IQGAP3: variants seen among roughly 807,000 people sequenced by gnomAD.
The protein encoded by IQGAP3 is IQ motif containing GTPase activating protein 3.
In IQGAP3, 165 loss-of-function variants were observed where a neutral mutation model predicts 208.2. That is an observed-to-expected ratio of 0.79 (90% CI 0.70 to 0.90). The LOEUF (loss-of-function observed/expected upper bound fraction) is 0.90. Among genes scored for constraint, IQGAP3 ranks in the 40% least tolerant of loss-of-function variants. IQGAP3 has a pLI of 0.00. For synonymous variants in IQGAP3, 703 were observed against 803.6 expected (o/e 0.87, Z 2.12); for missense variants, 1,811 against 2,043.1 (o/e 0.89, Z 2.19).
chr1:156,540,813 C>G lies in IQGAP3; in HGVS notation c.2634G>C (p.Gln878His). Residue 878 changes from glutamine to histidine, a missense_variant, in exon 23 of 38, where the codon CAG becomes CAC. Coordinates refer to ENST00000361170, the MANE Select transcript of IQGAP3 (RefSeq NM_178229.5). ...FLAEAELLKL[Q>H]EEVVRKIRSN... ...ATCGGATCTTCCTAACTACCTCTTC[C>G]TGGAGCTTCAGCAGCTCTGCCTCAG... The G allele has an allele frequency of 6.2e-7, 1 of 1,614,150 alleles. No homozygotes were observed. Among genetic ancestry groups the G allele is most frequent in the Non-Finnish European group, 8.5e-7 (1 of 1,180,036 alleles).
rs1483593121 is a variant in IQGAP3, at chr1:156,567,311, G to A, written c.126-765C>T. On this transcript the variant is annotated intron_variant, in intron 2 of 37. Coordinates refer to ENST00000361170, the MANE Select transcript of IQGAP3 (RefSeq NM_178229.5). ...TAACCCAGCTTTGATGATGATGAGAGTAGTGGGGCTGGTGGAAGGGGAGCA... is the reference window on the plus strand; with the variant it reads ...TAACCCAGCTTTGATGATGATGAGAATAGTGGGGCTGGTGGAAGGGGAGCA... Among the ~76,000 whole-genome samples the A allele has an allele frequency of 2.6e-5, 4 of 152,304 alleles. No individual in the cohort carries two copies. The South Asian group carries it at 8.3e-4, about 32-fold the overall frequency.
rs1195528410 is a variant in IQGAP3 at position 156,562,733 on chromosome 1, C to T, written c.799-68G>A. On this transcript the variant is annotated intron_variant, in intron 8 of 37. Transcript: ENST00000361170. ...AATCTCCTTGTCCTGCTCTTCCCTGCCTGGCTACACTTATTTCTTCTTCTG... is the reference window on the plus strand; with the variant it reads ...AATCTCCTTGTCCTGCTCTTCCCTGTCTGGCTACACTTATTTCTTCTTCTG... The T allele has an allele frequency of 1.4e-5, 18 of 1,306,584 alleles. No individual in the cohort carries two copies. In the South Asian group the frequency reaches 2.1e-4, roughly 15 times the overall value. The allele number at this position is 1,306,584 out of a possible 1,614,324, so 80.9% of individuals were successfully genotyped here.
At chr1:156,539,748 C>A in intron 24 of IQGAP3, 90 bp downstream of exon 24, 1 of 1,445,762 alleles carries the variant, frequency 6.9e-7, no homozygotes, top group Non-Finnish European at 9.7e-7. Flanking sequence ...GGACACCTTG[C>A]ATGGTGCCAA....
intron 13 of IQGAP3, among the ~76,000 whole-genome samples, chr1:156,552,813 C>T (rs1675618175): frequency 1.3e-5 from 2 of 152,234 alleles, no homozygotes; most frequent in Non-Finnish European, 2.9e-5. Flanking sequence ...GTGGCTCATG[C>T]CTGTAATTCC....
At chr1:156,539,228 C>T (rs147895296) in intron 25 of IQGAP3, 146 bp downstream of exon 25, 59 of 866,502 alleles carry the variant, frequency 6.8e-5, no homozygotes, top group African/African-American at 4.6e-4. Flanking sequence ...AGATGTTTTA[C>T]GGTTTCTCCA....
Position 156,569,363 on chromosome 1 carries a change from G to A in IQGAP3, c.125+13C>T, listed in dbSNP as rs370649413. 271 of 1,593,786 alleles carry A rather than the reference G, an allele frequency of 1.7e-4. No homozygotes were observed. The highest frequency in any genetic ancestry group is 1.5e-3 in the East Asian group (68 of 44,700). On this transcript the variant is annotated intron_variant, in intron 2 of 37. Coordinates refer to ENST00000361170, the MANE Select transcript of IQGAP3 (RefSeq NM_178229.5). Reference sequence around the variant, plus strand: ...GAGAGCAGAAAGAGTCCATCTTCCTGGACTCCGCTCACCGCTTGGCCTCCT... The same window carrying A: ...GAGAGCAGAAAGAGTCCATCTTCCTAGACTCCGCTCACCGCTTGGCCTCCT...
chr1:156,571,060 T>G (rs1291573714), intron 1 of IQGAP3, among the ~76,000 whole-genome samples: 2 of 152,222 alleles, frequency 1.3e-5, no homozygotes, highest in African/African-American at 2.4e-5. Context: ...CACTATCCTT[T>G]TTGGTATAGG....
intron 13 of IQGAP3, among the ~76,000 whole-genome samples, chr1:156,553,411 C>A (rs1336890288): frequency 2.0e-5 from 3 of 152,152 alleles, no homozygotes; most frequent in African/African-American, 7.2e-5. Flanking sequence ...CCCAGATAGC[C>A]TCATGGCAAT....
rs556985064 is a variant in IQGAP3 at position 156,551,913 on chromosome 1, T to G, written c.1571-45A>C. The G allele has an allele frequency of 1.2e-5, 19 of 1,597,448 alleles. No homozygotes were observed. In the East Asian group the frequency reaches 2.9e-4, roughly 25 times the overall value. On this transcript the variant is annotated intron_variant, in intron 14 of 37. Transcript: ENST00000361170. ...GTGGGCAGGGGGCCCCTAGACTTAA[T>G]GGCTAAGGGACAGGACTGCCTAAGT...
rs1557925268 is a variant in IQGAP3 at position 156,539,367 on chromosome 1, A to T, written c.3056+7T>A. On this transcript the variant is annotated splice_region_variant and intron_variant, in intron 25 of 37. Coordinates refer to ENST00000361170, the MANE Select transcript of IQGAP3 (RefSeq NM_178229.5). ...TCTCCCCATTCCTTTGTGTCTGGAG[A>T]GCCTACTTGATTTCCTCCTGGAGTG... is the stretch of plus-strand genomic sequence containing the variant. 1 of 1,612,872 alleles carries T rather than the reference A, an allele frequency of 6.2e-7. No homozygotes were observed. Among genetic ancestry groups the T allele is most frequent in the Non-Finnish European group, 8.5e-7 (1 of 1,179,556 alleles).
chr1:156,539,636 G>GA (rs1381742636), intron 24 of IQGAP3, 99 bp from the exon 25 acceptor site: 4 of 1,348,164 alleles, frequency 3.0e-6, no homozygotes, highest in Non-Finnish European at 4.2e-6. Flanking sequence ...CTGGAATGGA[G>GA]AAAGCACTAC....
chr1:156,539,222 GT>G, intron 25 of IQGAP3, 151 bp downstream of exon 25: 1 of 845,342 alleles, frequency 1.2e-6, no homozygotes, highest in Non-Finnish European at 1.9e-6. Context: ...TGTCCCAGAT[GT>G]TTTACGGTTT....
intron 11 of IQGAP3, among the ~76,000 whole-genome samples, chr1:156,557,641 G>C (rs1675905462): frequency 6.8e-5 from 1 of 14,814 alleles, no homozygotes. Flanking sequence ...CCGGCCAGCC[G>C]CCCCGTCCGG....
At chr1:156,528,484 C>T in intron 36 of IQGAP3, 25 bp downstream of exon 36, 1 of 1,567,246 alleles carries the variant, frequency 6.4e-7, no homozygotes, top group South Asian at 1.1e-5. Context: ...AAGGGGCTGA[C>T]ATCCTGCCCT....
intron 1 of IQGAP3, among the ~76,000 whole-genome samples, chr1:156,569,924 G>C (rs1022483545): frequency 6.6e-6 from 1 of 152,126 alleles, no homozygotes; most frequent in Non-Finnish European, 1.5e-5. Flanking sequence ...TTAATAGGCA[G>C]CCTCCTCCTG....
chr1:156,546,386 T>C (rs958556881), intron 19 of IQGAP3, among the ~76,000 whole-genome samples: 5 of 152,190 alleles, frequency 3.3e-5, no homozygotes, highest in African/African-American at 1.2e-4. Flanking sequence ...ACAGCTTTGG[T>C]ACTAGTGACA....
rs374813479 is a variant in IQGAP3, at chr1:156,551,964, C to T, written c.1570+10G>A. 1.9e-5 allele frequency: 30 copies of T among 1,612,802 alleles called. No individual in the cohort carries two copies. Among genetic ancestry groups the T allele is most frequent in the Admixed American group, 1.2e-4 (7 of 59,928 alleles). On this transcript the variant is annotated intron_variant, in intron 14 of 37. Transcript: ENST00000361170. ...TGGGCCATCTCCACCCAGCTCCAGA[C>T]TATACTTACGGTCAGTCTCTTCCTG...
intron 1 of IQGAP3, among the ~76,000 whole-genome samples, chr1:156,571,468 C>T (rs1340449178): frequency 1.3e-5 from 2 of 151,914 alleles, no homozygotes; most frequent in African/African-American, 4.8e-5. Context: ...CATGCGTGCA[C>T]ACACACACAC....
chr1:156,534,542 C>T lies in IQGAP3; in HGVS notation c.3699G>A (p.Arg1233=). Reference sequence around the variant, plus strand: ...TTTCCTCCAGATAGTCATTCAGGACCCGTAGGTGCTGGCTCTGCCCAGAGA... The same window carrying T: ...TTTCCTCCAGATAGTCATTCAGGACTCGTAGGTGCTGGCTCTGCCCAGAGA... ...KAFSGQSQHL[R]VLNDYLEETH... Residue 1233 remains arginine, a synonymous_variant, in exon 29 of 38, where the codon CGG becomes CGA. Transcript: ENST00000361170. The T allele has an allele frequency of 6.2e-7, 1 of 1,603,776 alleles. No individual in the cohort carries two copies.
Sources: gnomAD v4.1 joint callset for allele counts (sites outside exome capture counted in the v4.1 genomes callset) on GRCh38, gnomAD v4.1.1 for gene constraint, MANE v1.5 for transcripts, NCBI Gene and HGNC (gene_info 2026-07-23, HGNC 2026-07-21) for gene names.